DLGAP1: variants seen among roughly 807,000 people sequenced by gnomAD.
DLGAP1 encodes the protein disks large-associated protein 1.
In DLGAP1, 11 loss-of-function variants were observed where a neutral mutation model predicts 90.8. That is an observed-to-expected ratio of 0.12 (90% CI 0.08 to 0.20). DLGAP1 has a LOEUF of 0.20. Among genes scored for constraint, DLGAP1 ranks in the 10% least tolerant of loss-of-function variants. The pLI, the probability that DLGAP1 is intolerant of heterozygous loss-of-function variation, is 1.00. For synonymous variants in DLGAP1, 558 were observed against 540.7 expected, an observed-to-expected ratio of 1.03 and a Z score of -0.44; for missense variants, 1,050 against 1,333.8, an observed-to-expected ratio of 0.79 and a Z score of 3.31.
Position 3,729,055 on chromosome 18 carries a change from A to G in DLGAP1, c.1591+80T>C. 1 of 1,511,440 alleles carries G rather than the reference A, an allele frequency of 6.6e-7. No individual in the cohort carries two copies. Among genetic ancestry groups the G allele is most frequent in the Non-Finnish European group, 8.8e-7 (1 of 1,130,656 alleles). 93.6% of individuals were successfully genotyped at this position (1,511,440 alleles called of 1,614,324 possible). A position where few individuals can be genotyped will look rare whatever the true frequency, so the allele number is the denominator to read the frequency against. On this transcript the variant is annotated intron_variant, in intron 7 of 12. Coordinates refer to ENST00000315677, the MANE Select transcript of DLGAP1 (RefSeq NM_004746.4). This position sits in a 1 kb window ranked among gnomAD's most constrained non-coding sequence, Gnocchi z 6.2. ...TTGTTCCTGGCAACTATGTGTGTTGACAGCAAGGGCACAGTCTTTGGGGAC... is the reference window on the plus strand; with the variant it reads ...TTGTTCCTGGCAACTATGTGTGTTGGCAGCAAGGGCACAGTCTTTGGGGAC...
intron 7 of DLGAP1, chr18:3,680,139 A>G (rs1163323605): frequency 6.6e-6 from 1 of 152,228 alleles, no homozygotes; most frequent in Non-Finnish European, 1.5e-5. Context: ...GGTTGGCAAA[A>G]TGGTGATAGG....
chr18:3,604,910 G>A (rs771512733), intron 7 of DLGAP1, among the ~76,000 whole-genome samples: 2 of 152,150 alleles, frequency 1.3e-5, no homozygotes, highest in Non-Finnish European at 2.9e-5. Context: ...TTGTGTGTGC[G>A]TGTCCCCGGA....
At chr18:3,866,840 A>AT (rs998779492) in intron 4 of DLGAP1, among the ~76,000 whole-genome samples, 1 of 152,208 alleles carries the variant, frequency 6.6e-6, no homozygotes, top group African/African-American at 2.4e-5. Flanking sequence ...AATTAGTGTT[A>AT]TTTTTTATTT....
At chr18:3,783,575 C>G (rs1426578785) in intron 5 of DLGAP1, among the ~76,000 whole-genome samples, 1 of 152,124 alleles carries the variant, frequency 6.6e-6, no homozygotes, top group Non-Finnish European at 1.5e-5. Context: ...ATGGGCAAAT[C>G]CATAGAGACA....
At chr18:4,409,111 A>G (rs2082724275) in intron 1 of DLGAP1, among the ~76,000 whole-genome samples, 1 of 152,060 alleles carries the variant, frequency 6.6e-6, no homozygotes, top group Non-Finnish European at 1.5e-5. Context: ...CTATAAAATA[A>G]TTTAAAAAAT....
chr18:4,181,451 G>A (rs545931347), intron 1 of DLGAP1, among the ~76,000 whole-genome samples: 19 of 152,162 alleles, frequency 1.2e-4, no homozygotes, highest in South Asian at 2.1e-4. Context: ...TATATACTGC[G>A]GCAGTATAAA....
At chr18:4,178,703 T>C (rs2077159350) in intron 1 of DLGAP1, among the ~76,000 whole-genome samples, 1 of 152,188 alleles carries the variant, frequency 6.6e-6, no homozygotes, top group Non-Finnish European at 1.5e-5. Context: ...ATATTTTATA[T>C]TATGAAAACA....
chr18:3,958,329 T>G (rs1357380775), intron 3 of DLGAP1, among the ~76,000 whole-genome samples: 1 of 151,920 alleles, frequency 6.6e-6, no homozygotes, highest in African/African-American at 2.4e-5. Flanking sequence ...TCCATACTTT[T>G]AAAAACAACT....
chr18:3,706,759 G>A (rs1220333216), intron 7 of DLGAP1, among the ~76,000 whole-genome samples: 1 of 151,940 alleles, frequency 6.6e-6, no homozygotes, highest in Admixed American at 6.6e-5. Context: ...ACAGAGAGGC[G>A]ACTCCAGCCA....
intron 5 of DLGAP1, among the ~76,000 whole-genome samples, chr18:3,782,111 T>C (rs973598958): frequency 6.6e-6 from 1 of 152,054 alleles, no homozygotes; most frequent in Non-Finnish European, 1.5e-5. Flanking sequence ...AATGCCTCAA[T>C]GATCATTAAA....
intron 1 of DLGAP1, among the ~76,000 whole-genome samples, chr18:4,174,404 G>A (rs1243617114): frequency 2.6e-5 from 4 of 151,716 alleles, no homozygotes; most frequent in South Asian, 2.1e-4. Context: ...GCACGATCTC[G>A]GCTCACTGCA....
Position 3,727,218 on chromosome 18 carries a change from T to C in DLGAP1, c.1591+1917A>G, listed in dbSNP as rs1169597359. Among the ~76,000 whole-genome samples the C allele has an allele frequency of 1.3e-5, 2 of 152,220 alleles. No homozygotes were observed. The highest frequency in any genetic ancestry group is 2.9e-5 in the Non-Finnish European group (2 of 68,042). On this transcript the variant is annotated intron_variant, in intron 7 of 12. Transcript: ENST00000315677. The surrounding 1 kb of genome is among the most constrained non-coding windows in gnomAD (Gnocchi z 4.7). ...GGATTTTATTTGGCAACTCTATTGC[T>C]TGAGCTCTGGGAGCCTCCAGAGTAT...
chr18:3,573,187 A>G (rs2054907303), intron 8 of DLGAP1, among the ~76,000 whole-genome samples: 1 of 152,118 alleles, frequency 6.6e-6, no homozygotes, highest in Non-Finnish European at 1.5e-5. Flanking sequence ...TATTAGAGTT[A>G]TGCTTATTTG....
intron 1 of DLGAP1, among the ~76,000 whole-genome samples, chr18:4,410,129 G>A (rs1191488593): frequency 1.3e-5 from 2 of 152,158 alleles, no homozygotes; most frequent in East Asian, 3.9e-4. Context: ...GCATAAGAAT[G>A]ATACAATAGA....
At chr18:3,755,927 C>T (rs927218924) in intron 5 of DLGAP1, among the ~76,000 whole-genome samples, 8 of 152,050 alleles carry the variant, frequency 5.3e-5, no homozygotes, top group African/African-American at 1.9e-4. Flanking sequence ...TAAAACAAGC[C>T]TGAATAAATT....
At chr18:3,887,257 C>T (rs1317115978) in intron 3 of DLGAP1, among the ~76,000 whole-genome samples, 1 of 152,180 alleles carries the variant, frequency 6.6e-6, no homozygotes, top group Admixed American at 6.5e-5. Flanking sequence ...AACCTTGCAC[C>T]TGCACCTGTT....
chr18:4,387,925 A>ACT (rs2082265974), intron 1 of DLGAP1, among the ~76,000 whole-genome samples: 1 of 78,624 alleles, frequency 1.3e-5, no homozygotes, highest in East Asian at 3.8e-4. Context: ...AGACTCCATC[A>ACT]CACATACACA....
rs375111427 is a variant in DLGAP1, at chr18:4,444,228, T to C, written c.-267+10778A>G. Among the ~76,000 whole-genome samples, 494 of 151,748 alleles carry C rather than the reference T, an allele frequency of 3.3e-3. 7 individuals carry two copies. Among genetic ancestry groups the C allele is most frequent in the African/African-American group, 0.011 (462 of 41,398 alleles). ...GCTTTTCAGTGTTGCCTCTTCATTT[T>C]TTTCCCCATATCCCATCTCACCTTA... On this transcript the variant is annotated intron_variant, in intron 1 of 12. Transcript: ENST00000315677.
intron 1 of DLGAP1, among the ~76,000 whole-genome samples, chr18:4,196,833 A>G (rs2077506838): frequency 6.6e-6 from 1 of 152,210 alleles, no homozygotes; most frequent in African/African-American, 2.4e-5. Flanking sequence ...AACTTTTCAC[A>G]AAGAGAAGCA....
Sources: gnomAD v4.1 joint callset for allele counts (sites outside exome capture counted in the v4.1 genomes callset) on GRCh38, gnomAD v4.1.1 for gene constraint, Gnocchi (gnomAD v3.1) non-coding constraint, MANE v1.5 for transcripts, NCBI Gene and HGNC (gene_info 2026-07-23, HGNC 2026-07-21) for gene names.